The following DPF3 variants were observed in gnomAD, a reference collection of about 807,000 sequenced individuals.
DPF3 encodes double PHD fingers 3, also known as zinc finger protein DPF3.
In DPF3, 18 loss-of-function variants were observed where a neutral mutation model predicts 56.8. The observed-to-expected ratio is 0.32, with a 90% confidence interval of 0.22 to 0.47. The LOEUF is 0.47. Among genes scored for constraint, DPF3 ranks in the 20% least tolerant of loss-of-function variants. The pLI is 1.00. For missense variants in DPF3, 403 were observed against 488.8 expected (o/e 0.82, Z 1.65); for synonymous variants, 188 against 180.2 (o/e 1.04, Z -0.35).
intron 2 of DPF3, among the ~76,000 whole-genome samples, chr14:72,758,410 C>T (rs1890927758): frequency 6.6e-6 from 1 of 152,102 alleles, no homozygotes; most frequent in South Asian, 2.1e-4. Context: ...GCAGATTCCC[C>T]ACGTTTGAGT....
At chr14:72,644,353 C>T (rs967037015) in intron 8 of DPF3, among the ~76,000 whole-genome samples, 2 of 152,200 alleles carry the variant, frequency 1.3e-5, no homozygotes, top group African/African-American at 2.4e-5. Flanking sequence ...CTGTTTCCAT[C>T]GGCCAAATTT....
At chr14:72,840,194 C>CAGCT (rs1884488352) in intron 1 of DPF3, among the ~76,000 whole-genome samples, 1 of 152,228 alleles carries the variant, frequency 6.6e-6, no homozygotes, top group African/African-American at 2.4e-5. Flanking sequence ...ACTTGTAACA[C>CAGCT]AGCTGATCTG....
intron 1 of DPF3, among the ~76,000 whole-genome samples, chr14:72,777,139 C>G (rs931156175): frequency 2.0e-5 from 3 of 152,288 alleles, no homozygotes; most frequent in South Asian, 2.1e-4. Context: ...CTCCTTCCCC[C>G]AGAGGCGCCT....
chr14:72,688,098 A>G (rs1482480653), intron 7 of DPF3, among the ~76,000 whole-genome samples: 1 of 150,340 alleles, frequency 6.7e-6, no homozygotes, highest in East Asian at 1.9e-4. Flanking sequence ...GACAATATTC[A>G]ATACATGGTT....
chr14:72,777,161 T>C (rs1390398823), intron 1 of DPF3, among the ~76,000 whole-genome samples: 3 of 152,168 alleles, frequency 2.0e-5, no homozygotes, highest in Non-Finnish European at 4.4e-5. Flanking sequence ...TTCCTCACTG[T>C]GGGCACCAAG....
intron 1 of DPF3, among the ~76,000 whole-genome samples, chr14:72,859,497 C>A (rs1403929755): frequency 8.0e-6 from 1 of 125,586 alleles, no homozygotes; most frequent in Non-Finnish European, 1.6e-5. Context: ...CCATTCCCCC[C>A]TAACCTTCTG....
chr14:72,614,354 A>T lies in DPF3; in HGVS notation c.*4943T>A, dbSNP rs1259249770. ...TCCTTCCCCTTCACCTGGTATCCAAAAGCATACTTTGGGGATGGGAGTAAG... is the reference window on the plus strand; with the variant it reads ...TCCTTCCCCTTCACCTGGTATCCAATAGCATACTTTGGGGATGGGAGTAAG... On this transcript the variant is annotated 3_prime_UTR_variant, in exon 11 of 11. Coordinates refer to ENST00000556509, the MANE Select transcript of DPF3 (RefSeq NM_001280542.3). Among the ~76,000 whole-genome samples the T allele has an allele frequency of 6.6e-6, 1 of 152,168 alleles. No individual in the cohort carries two copies. The highest frequency in any genetic ancestry group is 1.5e-5 in the Non-Finnish European group (1 of 68,028).
intron 1 of DPF3, among the ~76,000 whole-genome samples, chr14:72,780,755 A>G (rs2139962297): frequency 6.6e-6 from 1 of 151,172 alleles, no homozygotes; most frequent in East Asian, 1.9e-4. Flanking sequence ...GTGCCACAGA[A>G]CTGACATTCT....
intron 7 of DPF3, among the ~76,000 whole-genome samples, chr14:72,689,747 G>A (rs567872125): frequency 2.0e-5 from 3 of 152,302 alleles, no homozygotes; most frequent in East Asian, 3.9e-4. Context: ...AGTCAGCGGC[G>A]TGTGTGGTGC....
chr14:72,654,504 G>T (rs183102125), intron 8 of DPF3, among the ~76,000 whole-genome samples: 1 of 152,216 alleles, frequency 6.6e-6, no homozygotes, highest in Admixed American at 6.5e-5. Context: ...AACAGAAAAG[G>T]TGCCTTACAC....
intron 5 of DPF3, among the ~76,000 whole-genome samples, chr14:72,717,121 G>T (rs1888965606): frequency 6.6e-6 from 1 of 152,126 alleles, no homozygotes; most frequent in Admixed American, 6.5e-5. Context: ...ATCCCCTCGG[G>T]TTCACCCCAT....
intron 3 of DPF3, among the ~76,000 whole-genome samples, chr14:72,737,824 G>C (rs1219038558): frequency 6.6e-6 from 1 of 152,026 alleles, no homozygotes; most frequent in Non-Finnish European, 1.5e-5. Flanking sequence ...TGGAGATAGA[G>C]TTATGGTGCA....
At chr14:72,661,444 G>A (rs985924341) in intron 8 of DPF3, 8 of 985,218 alleles carry the variant, frequency 8.1e-6, no homozygotes, top group African/African-American at 7.0e-5. Context: ...TAGACTATTC[G>A]TGTGTTATTA....
At chr14:72,708,227 C>A (rs1419003036) in intron 6 of DPF3, among the ~76,000 whole-genome samples, 1 of 152,216 alleles carries the variant, frequency 6.6e-6, no homozygotes, top group Non-Finnish European at 1.5e-5. Flanking sequence ...AGAGAAACTT[C>A]ACCCTCTCCC....
Position 72,718,846 on chromosome 14 carries a change from A to ACCTCCG in DPF3, c.526-4351_526-4346dup, listed in dbSNP as rs1173589687. Reference sequence around the variant, plus strand: ...AGTGGCTCAATCTCGGCTCACTGCAACCTCCGCCTCCGCCTCCCGGGTTCA... The same window carrying ACCTCCG: ...AGTGGCTCAATCTCGGCTCACTGCAACCTCCGCCTCCGCCTCCGCCTCCCGGGTTCA... On this transcript the variant is annotated intron_variant, in intron 5 of 10. Coordinates refer to ENST00000556509, the MANE Select transcript of DPF3 (RefSeq NM_001280542.3). Among the ~76,000 whole-genome samples, 6 of 133,364 alleles carry ACCTCCG rather than the reference A, an allele frequency of 4.5e-5. No homozygotes were observed. In the East Asian group the frequency reaches 9.0e-4, roughly 20 times the overall value. 87.5% of individuals were successfully genotyped at this position (133,364 alleles called of 152,430 possible).
chr14:72,635,239 T>A (rs1462449384), intron 8 of DPF3, among the ~76,000 whole-genome samples: 1 of 152,030 alleles, frequency 6.6e-6, no homozygotes, highest in Non-Finnish European at 1.5e-5. Flanking sequence ...AACCAATGGG[T>A]TATGGGAAAC....
chr14:72,826,375 C>T (rs1883801756), intron 1 of DPF3, among the ~76,000 whole-genome samples: 1 of 152,180 alleles, frequency 6.6e-6, no homozygotes, highest in South Asian at 2.1e-4. Context: ...TCTGCCTACT[C>T]TCCGCTCCTC....
chr14:72,611,357 C>T lies in DPF3; in HGVS notation c.*7940G>A, dbSNP rs1394106381. On this transcript the variant is annotated 3_prime_UTR_variant, in exon 11 of 11. Coordinates refer to ENST00000556509, the MANE Select transcript of DPF3 (RefSeq NM_001280542.3). ...AAGCCAGCACGAAGCTAGGATCTGA[C>T]AAGCACCTGGCCAAAGGTGAGCATG... Among the ~76,000 whole-genome samples, 1 of 152,226 alleles carries T rather than the reference C, an allele frequency of 6.6e-6. No individual in the cohort carries two copies. Among genetic ancestry groups the T allele is most frequent in the Non-Finnish European group, 1.5e-5 (1 of 68,038 alleles).
chr14:72,835,426 T>TACTA (rs916737096), intron 1 of DPF3, among the ~76,000 whole-genome samples: 23 of 152,338 alleles, frequency 1.5e-4, no homozygotes, highest in Middle Eastern at 3.4e-3. Context: ...ATGGCGGATG[T>TACTA]ACTAACCACC....
Sources: gnomAD v4.1 joint callset for allele counts (sites outside exome capture counted in the v4.1 genomes callset) on GRCh38, gnomAD v4.1.1 for gene constraint, MANE v1.5 for transcripts, NCBI Gene and HGNC (gene_info 2026-07-23, HGNC 2026-07-21) for gene names.